SETD2: variants seen among roughly 807,000 people sequenced by gnomAD.
The protein encoded by SETD2 is SET domain containing 2, histone lysine methyltransferase, also known as histone-lysine N-methyltransferase SETD2.
A neutral mutation model predicts 242.1 loss-of-function variants in SETD2; 31 were observed. That is an observed-to-expected ratio of 0.13 (90% CI 0.10 to 0.17). The LOEUF is 0.17. SETD2 is among the 10% of genes least tolerant of loss of function. The probability of loss-of-function intolerance (pLI) is 1.00; values close to 1 mark genes in which losing one functional copy is unlikely to be tolerated. For synonymous variants in SETD2, 1,006 were observed against 1,066.5 expected (o/e 0.94, Z 1.11); for missense variants, 2,481 against 3,046.3 (o/e 0.81, Z 4.37).
At chr3:47,128,616 A>G (rs2043404575) in intron 1 of SETD2, among the ~76,000 whole-genome samples, 1 of 152,228 alleles carries the variant, frequency 6.6e-6, no homozygotes, top group African/African-American at 2.4e-5. Flanking sequence ...AGCTGATAAT[A>G]CATGAATGAG....
chr3:47,045,633 G>A (rs1205960245), intron 16 of SETD2, among the ~76,000 whole-genome samples: 1 of 150,140 alleles, frequency 6.7e-6, no homozygotes, highest in Admixed American at 6.6e-5. Flanking sequence ...AGGAAGTGGA[G>A]GTTGCAGTGA....
intron 16 of SETD2, 133 bp from the exon 17 acceptor site, chr3:47,042,833 A>G (rs2039345672): frequency 1.2e-6 from 1 of 823,924 alleles, no homozygotes; most frequent in Non-Finnish European, 1.9e-6. Context: ...GGAAAGGTAC[A>G]GTCTGGGAAA....
At chr3:47,118,992 T>C (rs1423404617) in intron 3 of SETD2, among the ~76,000 whole-genome samples, 1 of 152,152 alleles carries the variant, frequency 6.6e-6, no homozygotes, top group Admixed American at 6.5e-5. Context: ...TATTTTGTAA[T>C]AGAAAAAAAT....
chr3:47,148,501 A>T (rs2043914038), intron 1 of SETD2, among the ~76,000 whole-genome samples: 1 of 152,172 alleles, frequency 6.6e-6, no homozygotes, highest in Non-Finnish European at 1.5e-5. Flanking sequence ...AAAAATACAA[A>T]AACAGGGAAA....
intron 15 of SETD2, among the ~76,000 whole-genome samples, chr3:47,052,138 G>A (rs1263450362): frequency 6.6e-6 from 1 of 151,976 alleles, no homozygotes; most frequent in African/African-American, 2.4e-5. Context: ...TTTTCTATTT[G>A]CTAAGGAAAA....
In SETD2 at chr3:47,130,753, T is replaced by G. The variant is rs546206662; in HGVS notation, c.72-4090A>C. Among the ~76,000 whole-genome samples, 73 of 152,290 alleles carry G rather than the reference T, an allele frequency of 4.8e-4. No homozygotes were observed. In the South Asian group the frequency reaches 0.015, roughly 30 times the overall value. On this transcript the variant is annotated intron_variant, in intron 1 of 20. Transcript: ENST00000409792. ...AGATCATGCTAGAATAGCCTATTTC[T>G]TCTTTCAAAAAACTACTACAGAGAA...
At chr3:47,103,462 C>T (rs770173794) in intron 6 of SETD2, 39 bp from the exon 7 acceptor site, 7 of 1,343,564 alleles carry the variant, frequency 5.2e-6, no homozygotes, top group Non-Finnish European at 7.5e-6. Context: ...AAAAATAATA[C>T]CTTAAATATT....
At chr3:47,043,303 AGT>A (rs2039369375) in intron 16 of SETD2, among the ~76,000 whole-genome samples, 1 of 152,204 alleles carries the variant, frequency 6.6e-6, no homozygotes, top group Non-Finnish European at 1.5e-5. Context: ...AAGTCAAAAG[AGT>A]GAGGACTTTT....
chr3:47,041,727 A>G (rs1009716237), intron 17 of SETD2, among the ~76,000 whole-genome samples: 1 of 152,188 alleles, frequency 6.6e-6, no homozygotes, highest in Non-Finnish European at 1.5e-5. Context: ...AAAACATTAA[A>G]TGAGTTATCT....
At chr3:47,080,116 T>C (rs530049993) in intron 12 of SETD2, among the ~76,000 whole-genome samples, 1 of 152,304 alleles carries the variant, frequency 6.6e-6, no homozygotes, top group East Asian at 1.9e-4. Flanking sequence ...TCAAAACTTC[T>C]CAGTTTAGGC....
At chr3:47,049,304 A>AATATATAT (rs55952850) in intron 15 of SETD2, among the ~76,000 whole-genome samples, 151 of 108,382 alleles carry the variant, frequency 1.4e-3, no homozygotes, top group South Asian at 3.2e-3. Context: ...AAGTTTTCTA[A>AATATATAT]ATATATATAT....
chr3:47,082,894 G>C (rs1160164577), intron 12 of SETD2, among the ~76,000 whole-genome samples: 1 of 152,166 alleles, frequency 6.6e-6, no homozygotes, highest in Non-Finnish European at 1.5e-5. Context: ...AAAGAGTCAG[G>C]ATTGCTGGTT....
intron 9 of SETD2, among the ~76,000 whole-genome samples, chr3:47,095,929 CT>C (rs2041988447): frequency 6.6e-6 from 1 of 151,864 alleles, no homozygotes; most frequent in Non-Finnish European, 1.5e-5. Flanking sequence ...ATTTCTTTTT[CT>C]TTTTTAATAG....
chr3:47,018,134 T>A (rs2038060997), intron 19 of SETD2, among the ~76,000 whole-genome samples: 2 of 152,322 alleles, frequency 1.3e-5, no homozygotes, highest in Non-Finnish European at 2.9e-5. Context: ...AGAGCTTCTA[T>A]GAGGCTTAGC....
chr3:47,055,533 C>T (rs774744392), intron 15 of SETD2, among the ~76,000 whole-genome samples: 15 of 151,396 alleles, frequency 9.9e-5, no homozygotes, highest in Admixed American at 2.6e-4. Context: ...ACAGTGAGAC[C>T]GCATCTCTTA....
At chr3:47,105,854 G>C (rs941370495) in intron 6 of SETD2, 143 bp downstream of exon 6, 6 of 897,818 alleles carry the variant, frequency 6.7e-6, no homozygotes, top group Non-Finnish European at 9.9e-6. Context: ...AGTGAGCCGA[G>C]ATCTTGCCAC....
chr3:47,134,789 GA>G (rs936190379), intron 1 of SETD2, among the ~76,000 whole-genome samples: 1 of 152,098 alleles, frequency 6.6e-6, no homozygotes, highest in Non-Finnish European at 1.5e-5. Context: ...ACACATGGCT[GA>G]TTTTTGTATT....
At chr3:47,098,148 C>T (rs925858652) in intron 8 of SETD2, 67 bp from the exon 9 acceptor site, 5 of 1,555,530 alleles carry the variant, frequency 3.2e-6, no homozygotes, top group East Asian at 2.3e-5. Context: ...GTTGGCAATA[C>T]ACACAAAAGT....
chr3:47,134,637 T>C (rs2043552996), intron 1 of SETD2, among the ~76,000 whole-genome samples: 1 of 151,876 alleles, frequency 6.6e-6, no homozygotes, highest in East Asian at 1.9e-4. Flanking sequence ...TCAATGACTT[T>C]TTTTTTTTTT....
Sources: allele counts gnomAD v4.1 joint callset (sites outside exome capture counted in the v4.1 genomes callset), GRCh38; gene constraint gnomAD v4.1.1; transcripts MANE v1.5; gene names NCBI Gene and HGNC (gene_info 2026-07-23, HGNC 2026-07-21).